ANKS1B: variants seen among roughly 807,000 people sequenced by gnomAD.
ANKS1B encodes ankyrin repeat and sterile alpha motif domain containing 1B.
In ANKS1B, 36 loss-of-function variants were observed where a neutral mutation model predicts 148.3. The ratio of observed to expected loss-of-function variants is 0.24; its 90% CI spans 0.19 to 0.32. ANKS1B has a LOEUF of 0.32. ANKS1B is among the 10% of genes least tolerant of loss of function. ANKS1B has a pLI of 1.00. For synonymous variants in ANKS1B, 542 were observed against 560.8 expected, an observed-to-expected ratio of 0.97 and a Z score of 0.47; for missense variants, 1,157 against 1,542.6, an observed-to-expected ratio of 0.75 and a Z score of 4.19.
intron 8 of ANKS1B, among the ~76,000 whole-genome samples, chr12:99,760,408 T>G (rs2061973963): frequency 6.6e-6 from 1 of 151,850 alleles, no homozygotes; most frequent in South Asian, 2.1e-4. Flanking sequence ...CCCTCAAATC[T>G]TTTCAATTTC....
intron 14 of ANKS1B, among the ~76,000 whole-genome samples, chr12:99,232,980 C>T (rs2087134293): frequency 6.6e-6 from 1 of 152,046 alleles, no homozygotes; most frequent in Admixed American, 6.6e-5. Context: ...TGAACACCTA[C>T]ATGACACCAC....
intron 17 of ANKS1B, among the ~76,000 whole-genome samples, chr12:98,964,052 C>G (rs1343425538): frequency 1.3e-5 from 2 of 151,838 alleles, no homozygotes; most frequent in African/African-American, 4.8e-5. Context: ...GAGTCGAGAT[C>G]GTGCCATTGC....
At chr12:98,995,919 CACAG>C (rs1289333323) in intron 17 of ANKS1B, among the ~76,000 whole-genome samples, 1 of 152,158 alleles carries the variant, frequency 6.6e-6, no homozygotes, top group Non-Finnish European at 1.5e-5. Flanking sequence ...GAAAGAGCTT[CACAG>C]ACAGTCAGAG....
intron 12 of ANKS1B, among the ~76,000 whole-genome samples, chr12:99,358,200 A>T (rs2092190333): frequency 6.6e-6 from 1 of 152,052 alleles, no homozygotes; most frequent in South Asian, 2.1e-4. Flanking sequence ...GTAGTAAAAC[A>T]TATTGATTAT....
chr12:99,712,803 A>G (rs1285137045), intron 8 of ANKS1B, among the ~76,000 whole-genome samples: 2 of 152,222 alleles, frequency 1.3e-5, no homozygotes, highest in Non-Finnish European at 2.9e-5. Flanking sequence ...TTTGCAATCC[A>G]ACTGGGAAAA....
chr12:99,662,551 C>A (rs2098482869), intron 8 of ANKS1B, among the ~76,000 whole-genome samples: 1 of 152,124 alleles, frequency 6.6e-6, no homozygotes, highest in African/African-American at 2.4e-5. Flanking sequence ...TTAGTGTGAA[C>A]ATTTTCACTA....
In ANKS1B at chr12:98,745,625, G is replaced by A; in HGVS notation, c.*114C>T. The stretch of plus-strand genomic sequence containing the variant: ...GTGGCCTTTCGCCCGTAACAAGGCC[G>A]CACGCTCAGAGCAGTCTTCCTCCTG... On this transcript the variant is annotated 3_prime_UTR_variant, in exon 27 of 27. Transcript: ENST00000683438. The A allele has an allele frequency of 6.8e-7, 1 of 1,465,226 alleles. No individual in the cohort carries two copies. The highest frequency in any genetic ancestry group is 9.0e-7 in the Non-Finnish European group (1 of 1,106,556). 90.8% of individuals were successfully genotyped at this position (1,465,226 alleles called of 1,614,324 possible).
At chr12:98,811,670 C>T (rs80135418) in intron 19 of ANKS1B, among the ~76,000 whole-genome samples, 3,565 of 152,252 alleles carry the variant, frequency 0.023, 83 homozygotes, top group East Asian at 0.09. Context: ...CAGACAATTC[C>T]CTGTCCTTCT....
intron 14 of ANKS1B, among the ~76,000 whole-genome samples, chr12:99,193,629 C>T (rs1407278778): frequency 6.6e-6 from 1 of 151,856 alleles, no homozygotes; most frequent in African/African-American, 2.4e-5. Flanking sequence ...AGTTGTGAAC[C>T]TTGTGATGGG....
At chr12:99,207,826 T>C (rs1224423973) in intron 14 of ANKS1B, among the ~76,000 whole-genome samples, 1 of 152,070 alleles carries the variant, frequency 6.6e-6, no homozygotes, top group Non-Finnish European at 1.5e-5. Context: ...ATGACTAGTT[T>C]TTCCAAAGTA....
intron 17 of ANKS1B, among the ~76,000 whole-genome samples, chr12:98,982,251 A>C (rs892759367): frequency 1.3e-5 from 2 of 152,148 alleles, no homozygotes; most frequent in Admixed American, 6.5e-5. Flanking sequence ...AGATCTTGTT[A>C]AGATGCAGAT....
chr12:99,354,550 C>A (rs536759150), intron 12 of ANKS1B, among the ~76,000 whole-genome samples: 1 of 152,090 alleles, frequency 6.6e-6, no homozygotes, highest in South Asian at 2.1e-4. Flanking sequence ...AAATAGGAAT[C>A]ATTTATCTAT....
At chr12:99,678,934 A>G (rs1183884511) in intron 8 of ANKS1B, among the ~76,000 whole-genome samples, 1 of 152,204 alleles carries the variant, frequency 6.6e-6, no homozygotes, top group Non-Finnish European at 1.5e-5. Flanking sequence ...AAAAATGGGG[A>G]AAAATGTACT....
chr12:98,820,535 AGAGTGTTTATTTTAGAGGAATTAAAAAAT>A (rs1428365392), intron 19 of ANKS1B, among the ~76,000 whole-genome samples: 2 of 152,208 alleles, frequency 1.3e-5, no homozygotes, highest in Non-Finnish European at 2.9e-5. Context: ...CAGTATTTAC[AGAGTGTTTATTTTAGAGGAATTAAAAAAT>A]GACTACGGAA....
intron 17 of ANKS1B, among the ~76,000 whole-genome samples, chr12:98,902,433 T>C (rs1488606157): frequency 6.6e-6 from 1 of 152,254 alleles, no homozygotes; most frequent in East Asian, 1.9e-4. Flanking sequence ...ATGCCTGTTT[T>C]ACTAAGTAAT....
chr12:98,777,283 A>T (rs1294061157), intron 24 of ANKS1B, among the ~76,000 whole-genome samples: 1 of 152,252 alleles, frequency 6.6e-6, no homozygotes, highest in Non-Finnish European at 1.5e-5. Context: ...AAAATAGCAT[A>T]GGCCTTGTTT....
chr12:99,205,156 A>G (rs187029516), intron 14 of ANKS1B, among the ~76,000 whole-genome samples: 5 of 152,320 alleles, frequency 3.3e-5, no homozygotes, highest in Non-Finnish European at 5.9e-5. Context: ...CCTTCCAAGA[A>G]ACCAAGAGAG....
At chr12:99,331,944 T>G (rs1398571698) in intron 12 of ANKS1B, among the ~76,000 whole-genome samples, 3 of 151,944 alleles carry the variant, frequency 2.0e-5, no homozygotes, top group African/African-American at 7.2e-5. Context: ...ATAAAGGCAG[T>G]AAAGATTAAA....
chr12:98,957,082 C>T (rs1297365089), intron 17 of ANKS1B, among the ~76,000 whole-genome samples: 1 of 152,162 alleles, frequency 6.6e-6, no homozygotes, highest in Non-Finnish European at 1.5e-5. Context: ...TCTCTAAATA[C>T]ATTCCAGGTT....
Sources: gnomAD v4.1 joint callset for allele counts (sites outside exome capture counted in the v4.1 genomes callset) on GRCh38, gnomAD v4.1.1 for gene constraint, MANE v1.5 for transcripts, NCBI Gene and HGNC (gene_info 2026-07-23, HGNC 2026-07-21) for gene names.